Variants in IFT56 observed in about 807,000 individuals in gnomAD.
The protein encoded by IFT56 is intraflagellar transport 56, also known as intraflagellar transport protein 56.
the IFT56 span, among the ~76,000 whole-genome samples, chr7:139,168,920 G>C: frequency 6.6e-6 from 1 of 152,218 alleles, no homozygotes; most frequent in African/African-American, 2.4e-5. Context: ...TTGTATAGTA[G>C]ATAGGCAGCA....
the IFT56 span, among the ~76,000 whole-genome samples, chr7:139,149,220 G>T: frequency 2.0e-5 from 3 of 150,974 alleles, no homozygotes; most frequent in Non-Finnish European, 4.4e-5. Context: ...CAGGAGAATG[G>T]CGTGAACTCG....
At chr7:139,153,408 A>G in the IFT56 span, among the ~76,000 whole-genome samples, 1 of 151,014 alleles carries the variant, frequency 6.6e-6, no homozygotes, top group Non-Finnish European at 1.5e-5. Context: ...CTGAGATTGC[A>G]CCAATGCACT....
the IFT56 span, among the ~76,000 whole-genome samples, chr7:139,146,032 G>A: frequency 6.6e-6 from 1 of 151,800 alleles, no homozygotes; most frequent in Non-Finnish European, 1.5e-5. Context: ...GTATATATGT[G>A]TATATTTATA....
chr7:139,172,596 G>A, the IFT56 span: 167 of 581,404 alleles, frequency 2.9e-4, 4 homozygotes, highest in South Asian at 1.8e-3. Flanking sequence ...AAGTAATCAC[G>A]GTATTCTGCT....
chr7:139,137,787 TA>T, the IFT56 span: 13 of 1,410,832 alleles, frequency 9.2e-6, no homozygotes, highest in Non-Finnish European at 1.3e-5. Context: ...CATTTTTTTT[TA>T]AACAGAGAGT....
At chr7:139,152,275 C>T in the IFT56 span, among the ~76,000 whole-genome samples, 2 of 152,052 alleles carry the variant, frequency 1.3e-5, no homozygotes, top group East Asian at 1.9e-4. Context: ...TACAGACATG[C>T]GCCACTGTGC....
chr7:139,153,983 C>T, the IFT56 span, among the ~76,000 whole-genome samples: 5 of 152,108 alleles, frequency 3.3e-5, no homozygotes, highest in Non-Finnish European at 5.9e-5. Flanking sequence ...GATTTCTTTG[C>T]GTTCTTGCCA....
chr7:139,184,976 C>A, the IFT56 span, among the ~76,000 whole-genome samples: 1 of 151,460 alleles, frequency 6.6e-6, no homozygotes, highest in South Asian at 2.1e-4. Context: ...ATGGCGTGAA[C>A]CCGGGAGGTG....
At chr7:139,165,229 G>A in the IFT56 span, 13 of 1,610,174 alleles carry the variant, frequency 8.1e-6, no homozygotes, top group Admixed American at 5.0e-5. Flanking sequence ...TACTACCTTC[G>A]TCAAGGTAAG....
the IFT56 span, among the ~76,000 whole-genome samples, chr7:139,188,091 T>C: frequency 3.3e-5 from 5 of 151,636 alleles, no homozygotes; most frequent in African/African-American, 7.2e-5. Flanking sequence ...TTTTCTTTTT[T>C]TTTTTCTTTC....
the IFT56 span, among the ~76,000 whole-genome samples, chr7:139,136,803 G>A: frequency 1.3e-5 from 2 of 152,166 alleles, no homozygotes; most frequent in East Asian, 1.9e-4. Context: ...ACATTCTTAG[G>A]TTGTTAGTTG....
chr7:139,141,042 C>T, the IFT56 span, among the ~76,000 whole-genome samples: 7 of 149,996 alleles, frequency 4.7e-5, no homozygotes, highest in African/African-American at 4.9e-5. Flanking sequence ...GGGCGGATCA[C>T]GAGGTCAGGA....
chr7:139,165,629 A>T, the IFT56 span, among the ~76,000 whole-genome samples: 1 of 151,812 alleles, frequency 6.6e-6, no homozygotes, highest in East Asian at 1.9e-4. Context: ...ATTTGCTTTG[A>T]TTGTCTGCCT....
At chr7:139,138,563 T>C in the IFT56 span, among the ~76,000 whole-genome samples, 2 of 152,190 alleles carry the variant, frequency 1.3e-5, no homozygotes, top group Non-Finnish European at 2.9e-5. Context: ...CCAATGAGAT[T>C]GTACAACATA....
the IFT56 span, among the ~76,000 whole-genome samples, chr7:139,138,874 G>A: frequency 9.3e-4 from 138 of 148,542 alleles, 2 homozygotes; most frequent in South Asian, 0.019. Flanking sequence ...GCAGTGGCAC[G>A]ATCTCGGCTC....
the IFT56 span, among the ~76,000 whole-genome samples, chr7:139,177,888 C>T: frequency 6.6e-6 from 1 of 151,934 alleles, no homozygotes; most frequent in South Asian, 2.1e-4. Flanking sequence ...GAGACCAGGC[C>T]ACACTAATTG....
the IFT56 span, among the ~76,000 whole-genome samples, chr7:139,135,318 T>C: frequency 5.5e-3 from 825 of 150,922 alleles, 10 homozygotes; most frequent in African/African-American, 0.02. Context: ...ACTTATTTCT[T>C]GAGGGCCACT....
At chr7:139,190,664 G>A in the IFT56 span, 1 of 152,190 alleles carries the variant, frequency 6.6e-6, no homozygotes, top group Non-Finnish European at 1.5e-5. Context: ...CTAATGGCTA[G>A]GCTCTCTGTC....
At chr7:139,145,434 T>C in the IFT56 span, among the ~76,000 whole-genome samples, 2 of 151,822 alleles carry the variant, frequency 1.3e-5, no homozygotes, top group Non-Finnish European at 2.9e-5. Flanking sequence ...TTTTTGTTTG[T>C]TTTTTTGAGA....
Sources: gnomAD v4.1 joint callset for allele counts (sites outside exome capture counted in the v4.1 genomes callset) on GRCh38, gnomAD v4.1.1 for gene constraint, MANE v1.5 for transcripts, NCBI Gene and HGNC (gene_info 2026-07-23, HGNC 2026-07-21) for gene names.